Variants in FAM83F observed in about 807,000 individuals in gnomAD.
FAM83F encodes the protein scaffolding CK1 anchoring protein F.
In FAM83F, 45 loss-of-function variants were observed where a neutral mutation model predicts 42.9. The ratio of observed to expected loss-of-function variants is 1.05; its 90% CI spans 0.83 to 1.35. The LOEUF is 1.35. Ranked by LOEUF, FAM83F falls within the 40% of genes most tolerant of loss-of-function variation. The pLI is 0.00. For synonymous variants in FAM83F, 306 were observed against 298.3 expected (o/e 1.03, Z -0.27); for missense variants, 617 against 695.9 (o/e 0.89, Z 1.28).
Position 40,009,083 on chromosome 22 carries a change from C to A in FAM83F, c.490-10085C>A, listed in dbSNP as rs138185552. 5.3e-5 allele frequency among the ~76,000 whole-genome samples: 8 copies of A among 152,198 alleles called. No homozygotes were observed. The East Asian group carries it at 1.5e-3, about 29-fold the overall frequency. ...ATAACGATCCCTCATAACTGCACAGCGTTTTTGTGGGATTTCGTGGGCATG... is the reference window on the plus strand; with the variant it reads ...ATAACGATCCCTCATAACTGCACAGAGTTTTTGTGGGATTTCGTGGGCATG... On this transcript the variant is annotated intron_variant, in intron 1 of 4. Transcript: ENST00000333407.
At chr22:40,005,708 A>C (rs973375024) in intron 1 of FAM83F, among the ~76,000 whole-genome samples, 2 of 152,228 alleles carry the variant, frequency 1.3e-5, no homozygotes, top group African/African-American at 4.8e-5. Context: ...CCTGACCTGC[A>C]GGGTCGGAAT....
Position 40,021,417 on chromosome 22 carries a change from C to T in FAM83F, c.907C>T (p.Gln303Ter). 2 of 1,613,700 alleles carry T rather than the reference C, an allele frequency of 1.2e-6. No individual in the cohort carries two copies. Among genetic ancestry groups the T allele is most frequent in the Non-Finnish European group, 1.7e-6 (2 of 1,179,738 alleles). ...CTCCGAGGAGGTGGACTTGTACCGG[C>T]AGCTGAGCCTGGCGGGCAGGGTTGG... ...AISEEVDLYR[Q>*]LSLAGRVGLH... The change falls in exon 4 of 5, where the codon CAG becomes TAG. Residue 303 changes from glutamine (Q) to a stop codon, truncating the protein, a stop_gained. Coordinates refer to ENST00000333407, the MANE Select transcript of FAM83F (RefSeq NM_138435.4). LOFTEE classifies it high-confidence loss of function. The surrounding 1 kb of genome is among the most constrained non-coding windows in gnomAD (Gnocchi z 8.7).
chr22:40,035,682 C>T lies in FAM83F; in HGVS notation c.*6117C>T, dbSNP rs912018011. 1 of 152,278 alleles carries T rather than the reference C, an allele frequency of 6.6e-6. No homozygotes were observed. The highest frequency in any genetic ancestry group is 2.4e-5 in the African/African-American group (1 of 41,454). The allele number at this position is 152,278 out of a possible 1,614,324, so 9.4% of individuals were successfully genotyped here. A position where few individuals can be genotyped will look rare whatever the true frequency, so the allele number is the denominator to read the frequency against. The stretch of plus-strand genomic sequence containing the variant: ...GCAAGGGCTGAAATCCTATCTCTGC[C>T]ACCGAACAGCTAATGACCCCAGCAA... On this transcript the variant is annotated 3_prime_UTR_variant, in exon 5 of 5. Coordinates refer to ENST00000333407, the MANE Select transcript of FAM83F (RefSeq NM_138435.4).
rs1194403978 is a variant in FAM83F, at chr22:40,039,801, A to T, written c.*10236A>T. On this transcript the variant is annotated 3_prime_UTR_variant, in exon 5 of 5. Coordinates refer to ENST00000333407, the MANE Select transcript of FAM83F (RefSeq NM_138435.4). ...GAAGCAAAGAAAAGATTCTCAGAGT[A>T]AAACGTATTGGTGAAGCCATGGAAA... The T allele has an allele frequency of 6.6e-6, 1 of 152,306 alleles. No individual in the cohort carries two copies. The highest frequency in any genetic ancestry group is 1.5e-5 in the Non-Finnish European group (1 of 68,074). 9.4% of individuals were successfully genotyped at this position (152,306 alleles called of 1,614,324 possible).
At chr22:40,008,082 A>G (rs926886112) in intron 1 of FAM83F, among the ~76,000 whole-genome samples, 2 of 152,212 alleles carry the variant, frequency 1.3e-5, no homozygotes, top group East Asian at 1.9e-4. Flanking sequence ...TGAACGGTTC[A>G]TCTTGTGGGT....
rs1482285310 is a variant in FAM83F at position 40,037,102 on chromosome 22, T to C, written c.*7537T>C. The stretch of plus-strand genomic sequence containing the variant: ...ATATGCAAAAACCGGCCAGGTGCGG[T>C]GGCTCATGCCTGTGACCTCAGCACT... On this transcript the variant is annotated 3_prime_UTR_variant, in exon 5 of 5. Coordinates refer to ENST00000333407, the MANE Select transcript of FAM83F (RefSeq NM_138435.4). 6.6e-6 allele frequency: 1 copy of C among 152,242 alleles called. No homozygotes were observed. Among genetic ancestry groups the C allele is most frequent in the African/African-American group, 2.4e-5 (1 of 41,452 alleles). 9.4% of individuals were successfully genotyped at this position (152,242 alleles called of 1,614,324 possible).
At position 40,035,302 on chromosome 22, in the gene FAM83F, A is replaced by C. The variant is rs1182710517; in HGVS notation, c.*5737A>C. Reference sequence around the variant, plus strand: ...TGGGAGCTGGGGGAGGAAAGGAGCAAAAGGCAAGAACAGGCAGTATGTCCG... The same window carrying C: ...TGGGAGCTGGGGGAGGAAAGGAGCACAAGGCAAGAACAGGCAGTATGTCCG... On this transcript the variant is annotated 3_prime_UTR_variant, in exon 5 of 5. Transcript: ENST00000333407. 2 of 152,402 alleles carry C rather than the reference A, an allele frequency of 1.3e-5. No homozygotes were observed. The highest frequency in any genetic ancestry group is 2.4e-5 in the African/African-American group (1 of 41,462). The allele number at this position is 152,402 out of a possible 1,614,324, so 9.4% of individuals were successfully genotyped here. A position where few individuals can be genotyped will look rare whatever the true frequency, so the allele number is the denominator to read the frequency against.
In FAM83F at chr22:40,039,881, T is replaced by C. The variant is rs2067643911; in HGVS notation, c.*10316T>C. On this transcript the variant is annotated 3_prime_UTR_variant, in exon 5 of 5. Coordinates refer to ENST00000333407, the MANE Select transcript of FAM83F (RefSeq NM_138435.4). ...GCCACAAAAAGGTTATAGATGAGCT[T>C]AGAGAAATGAATTTCAGTAGAGTTA... 6.6e-6 allele frequency: 1 copy of C among 152,220 alleles called. No homozygotes were observed. The highest frequency in any genetic ancestry group is 1.5e-5 in the Non-Finnish European group (1 of 68,044). 9.4% of individuals were successfully genotyped at this position (152,220 alleles called of 1,614,324 possible). A position where few individuals can be genotyped will look rare whatever the true frequency, so the allele number is the denominator to read the frequency against.
In FAM83F at chr22:40,036,713, G is replaced by A. The variant is rs537428209; in HGVS notation, c.*7148G>A. The A allele has an allele frequency of 2.0e-5, 3 of 152,388 alleles. No homozygotes were observed. In the South Asian group the frequency reaches 6.2e-4, roughly 32 times the overall value. The allele number at this position is 152,388 out of a possible 1,614,324, so 9.4% of individuals were successfully genotyped here. A position where few individuals can be genotyped will look rare whatever the true frequency, so the allele number is the denominator to read the frequency against. The stretch of plus-strand genomic sequence containing the variant: ...ACTAGTGACTATAGCCTGGTGGGAC[G>A]GGGTCTAGGGGCCACAGTCCTGGTC... On this transcript the variant is annotated 3_prime_UTR_variant, in exon 5 of 5. Transcript: ENST00000333407.
In FAM83F at chr22:40,021,901, C is replaced by A; in HGVS notation, c.1391C>A (p.Thr464Asn). The change falls in exon 4 of 5, where the codon ACC becomes AAC. Residue 464 changes from threonine to asparagine, a missense_variant. Transcript: ENST00000333407. The surrounding 1 kb of genome is among the most constrained non-coding windows in gnomAD (Gnocchi z 8.7). ...ATGGCCAGCTCTGTCTCCACCGAGA[C>A]CTCTGAAGTGGAGTTTCTGACGGGG... ...NGMASSVSTETSEVEFLTGKR... is the reference protein window; with the variant it reads ...NGMASSVSTENSEVEFLTGKR... 1 of 1,594,174 alleles carries A rather than the reference C, an allele frequency of 6.3e-7. No homozygotes were observed. Among genetic ancestry groups the A allele is most frequent in the Non-Finnish European group, 8.5e-7 (1 of 1,169,794 alleles).
At chr22:40,015,431 A>G (rs1190088580) in intron 1 of FAM83F, among the ~76,000 whole-genome samples, 1 of 152,216 alleles carries the variant, frequency 6.6e-6, no homozygotes, top group Non-Finnish European at 1.5e-5. Flanking sequence ...AGCCAAGCGA[A>G]CACATAAAAT....
Position 40,020,609 on chromosome 22 carries a change from C to T in FAM83F, c.779+601C>T, listed in dbSNP as rs563579179. On this transcript the variant is annotated intron_variant, in intron 3 of 4. Transcript: ENST00000333407. ...AACTTTTGACCTCAAGTGATCCGCC[C>T]GCCTCAGCCTCCCAAAATGCTGAGA... Among the ~76,000 whole-genome samples the T allele has an allele frequency of 6.6e-5, 10 of 152,122 alleles. No homozygotes were observed. In the South Asian group the frequency reaches 1.7e-3, roughly 25 times the overall value.
intron 1 of FAM83F, among the ~76,000 whole-genome samples, chr22:40,018,006 C>T (rs1483222856): frequency 6.6e-6 from 1 of 152,170 alleles, no homozygotes; most frequent in Non-Finnish European, 1.5e-5. Flanking sequence ...TCAGCTGGAG[C>T]GTGGAGCATG....
chr22:40,020,193 A>C (rs1454546119), intron 3 of FAM83F, among the ~76,000 whole-genome samples, 185 bp downstream of exon 3: 2 of 152,138 alleles, frequency 1.3e-5, no homozygotes, highest in Admixed American at 6.5e-5. Flanking sequence ...TTATTCTAAA[A>C]AGAGGGTCAA....
intron 1 of FAM83F, among the ~76,000 whole-genome samples, chr22:39,999,335 G>A (rs1412736990): frequency 2.0e-5 from 3 of 152,144 alleles, no homozygotes; most frequent in South Asian, 2.1e-4. Flanking sequence ...TGTGACCAGC[G>A]GCATCCAATT....
rs551356596 is a variant in FAM83F at position 40,040,806 on chromosome 22, G to A, written c.*11241G>A. On this transcript the variant is annotated 3_prime_UTR_variant, in exon 5 of 5. Transcript: ENST00000333407. ...TCTTTTGGATCAGATTCCTTTACAGGGATCTTCCCATTGTTATAAGCTTCA... is the reference window on the plus strand; with the variant it reads ...TCTTTTGGATCAGATTCCTTTACAGAGATCTTCCCATTGTTATAAGCTTCA... The A allele has an allele frequency of 1.1e-4, 17 of 152,290 alleles. No homozygotes were observed. The highest frequency in any genetic ancestry group is 9.2e-4 in the Admixed American group (14 of 15,294). The allele number at this position is 152,290 out of a possible 1,614,324, so 9.4% of individuals were successfully genotyped here.
In FAM83F at chr22:40,021,535, G is replaced by C; in HGVS notation, c.1025G>C (p.Arg342Pro). Residue 342 changes from arginine (R) to proline (P), a missense_variant, in exon 4 of 5, where the codon CGC becomes CCC. Physicochemically the swap from Arg to Pro is moderately radical, Grantham distance 103. Transcript: ENST00000333407. This position sits in a 1 kb window ranked among gnomAD's most constrained non-coding sequence, Gnocchi z 8.7. ...CGCCACCCGCCTGGGGAGATGATGC[G>C]CTGGGCTGCCCGGCAACAGCGGGAG... ...GCRHPPGEMM[R>P]WAARQQREAG... 6.4e-7 allele frequency: 1 copy of C among 1,569,496 alleles called. No homozygotes were observed. Among genetic ancestry groups the C allele is most frequent in the Non-Finnish European group, 8.7e-7 (1 of 1,152,580 alleles).
chr22:40,038,768 C>A lies in FAM83F; in HGVS notation c.*9203C>A. 1 of 154,808 alleles carries A rather than the reference C, an allele frequency of 6.5e-6. No individual in the cohort carries two copies. Among genetic ancestry groups the A allele is most frequent in the African/African-American group, 2.4e-5 (1 of 41,796 alleles). 9.6% of individuals were successfully genotyped at this position (154,808 alleles called of 1,614,324 possible). Reference sequence around the variant, plus strand: ...AGCAGAAACCACATGGACAAACTCTCTGCCGGAGAATGGGCATGGCCGGGC... The same window carrying A: ...AGCAGAAACCACATGGACAAACTCTATGCCGGAGAATGGGCATGGCCGGGC... On this transcript the variant is annotated 3_prime_UTR_variant, in exon 5 of 5. Coordinates refer to ENST00000333407, the MANE Select transcript of FAM83F (RefSeq NM_138435.4).
intron 4 of FAM83F, among the ~76,000 whole-genome samples, chr22:40,025,558 C>T (rs963330089): frequency 6.6e-6 from 1 of 151,860 alleles, no homozygotes; most frequent in Non-Finnish European, 1.5e-5. Context: ...ACTGAAAATA[C>T]AAAAATTAGC....
Sources: allele counts gnomAD v4.1 joint callset (sites outside exome capture counted in the v4.1 genomes callset), GRCh38; gene constraint gnomAD v4.1.1; non-coding constraint Gnocchi (gnomAD v3.1); transcripts MANE v1.5; gene names NCBI Gene and HGNC (gene_info 2026-07-23, HGNC 2026-07-21).